The following TENM2 variants were observed in gnomAD, a reference collection of about 807,000 sequenced individuals.
TENM2 encodes teneurin transmembrane protein 2.
Under a neutral mutation model 245.2 loss-of-function variants are expected in TENM2, and 52 were observed. The ratio of observed to expected loss-of-function variants is 0.21; its 90% confidence interval spans 0.17 to 0.27. The LOEUF (loss-of-function observed/expected upper bound fraction) is 0.27, where lower values mean the gene tolerates loss of function less well. TENM2 is among the 10% of genes least tolerant of loss of function. The probability of loss-of-function intolerance (pLI) is 1.00; values close to 1 mark genes in which losing one functional copy is unlikely to be tolerated. For synonymous variants in TENM2, 1,363 were observed against 1,438.9 expected, an observed-to-expected ratio of 0.95 and a Z score of 1.19; for missense variants, 3,046 against 3,666.8, an observed-to-expected ratio of 0.83 and a Z score of 4.37.
chr5:167,142,227 A>G, the TENM2 span, among the ~76,000 whole-genome samples: 1 of 152,156 alleles, frequency 6.6e-6, no homozygotes, highest in African/African-American at 2.4e-5. Flanking sequence ...TAACCTTGCT[A>G]AAGTCTTTTT....
rs1358347315 is a variant in TENM2, at chr5:168,214,717, T to A, written c.3846-323T>A. ...TTAAGGAGACTGCACACACATGGAC[T>A]GTAGATGGTCTTGAATAACTATCCT... On this transcript the variant is annotated intron_variant, in intron 20 of 28. Transcript: ENST00000518659. 1.1e-5 allele frequency: 5 copies of A among 462,532 alleles called. No individual in the cohort carries two copies. The East Asian group carries it at 3.1e-4, about 29-fold the overall frequency. The allele number at this position is 462,532 out of a possible 1,614,324, so 28.7% of individuals were successfully genotyped here. A position where few individuals can be genotyped will look rare whatever the true frequency, so the allele number is the denominator to read the frequency against.
At chr5:167,718,397 G>A (rs1011523402) in intron 2 of TENM2, among the ~76,000 whole-genome samples, 1 of 152,084 alleles carries the variant, frequency 6.6e-6, no homozygotes, top group African/African-American at 2.4e-5. Flanking sequence ...CTTCCCTGTA[G>A]CTCAGTGTCT....
chr5:167,279,058 T>C, the TENM2 span, among the ~76,000 whole-genome samples: 1 of 152,332 alleles, frequency 6.6e-6, no homozygotes, highest in Middle Eastern at 3.4e-3. Context: ...TGTAGGATTG[T>C]AGTTTGAAGA....
intron 1 of TENM2, among the ~76,000 whole-genome samples, chr5:167,356,367 T>C (rs1050948451): frequency 3.9e-5 from 6 of 152,190 alleles, no homozygotes; most frequent in African/African-American, 1.4e-4. Context: ...TCACTTCCCA[T>C]GGAGGATGTT....
chr5:167,475,390 TTTTA>T (rs757093461), intron 2 of TENM2, among the ~76,000 whole-genome samples: 55 of 152,280 alleles, frequency 3.6e-4, no homozygotes, highest in Non-Finnish European at 6.3e-4. Flanking sequence ...CATGAAAATA[TTTTA>T]TTTATTTATT....
chr5:167,431,338 G>T (rs1019309918), intron 2 of TENM2, among the ~76,000 whole-genome samples: 3 of 152,216 alleles, frequency 2.0e-5, no homozygotes, highest in East Asian at 3.9e-4. Context: ...CCCATATTTA[G>T]GTTGATAGCA....
chr5:167,754,654 A>G (rs1244153566), intron 2 of TENM2, among the ~76,000 whole-genome samples: 1 of 152,140 alleles, frequency 6.6e-6, no homozygotes, highest in African/African-American at 2.4e-5. Flanking sequence ...GATGTCAGAA[A>G]ACAACAGAAA....
chr5:167,208,019 G>A, the TENM2 span, among the ~76,000 whole-genome samples: 5 of 152,230 alleles, frequency 3.3e-5, no homozygotes, highest in Middle Eastern at 3.2e-3. Context: ...CTCCCAAAGT[G>A]CTGGGATTAC....
At chr5:167,385,879 TGTGTGTG>T (rs1761405025) in intron 2 of TENM2, among the ~76,000 whole-genome samples, 1 of 151,426 alleles carries the variant, frequency 6.6e-6, no homozygotes, top group African/African-American at 2.4e-5. Context: ...TGTGTGTGTG[TGTGTGTG>T]TGTGTGTGTG....
At chr5:167,983,984 A>T (rs1337747862) in intron 4 of TENM2, among the ~76,000 whole-genome samples, 1 of 152,204 alleles carries the variant, frequency 6.6e-6, no homozygotes, top group African/African-American at 2.4e-5. Context: ...TAATATCTGC[A>T]TTTATTGACC....
chr5:167,590,145 T>C (rs913435266), intron 2 of TENM2, among the ~76,000 whole-genome samples: 1 of 151,986 alleles, frequency 6.6e-6, no homozygotes, highest in Non-Finnish European at 1.5e-5. Flanking sequence ...ATTTTTAGGA[T>C]ATAAGAAACT....
intron 3 of TENM2, among the ~76,000 whole-genome samples, chr5:167,889,651 A>G (rs1370978071): frequency 6.6e-6 from 1 of 151,976 alleles, no homozygotes; most frequent in Non-Finnish European, 1.5e-5. Flanking sequence ...CTGTGGGAGC[A>G]GTGATCTTTA....
the TENM2 span, among the ~76,000 whole-genome samples, chr5:167,240,258 CTTT>C: frequency 1.4e-5 from 2 of 141,648 alleles, no homozygotes; most frequent in Non-Finnish European, 1.6e-5. Context: ...GGTAGGTGGC[CTTT>C]TTTTTTTTTG....
chr5:167,006,919 G>A, the TENM2 span, among the ~76,000 whole-genome samples: 2 of 152,070 alleles, frequency 1.3e-5, no homozygotes, highest in African/African-American at 2.4e-5. Context: ...CACCCACCTC[G>A]GCCTCCGAAA....
rs140162622 is a variant in TENM2, at chr5:168,049,697, T to C, written c.1309+2148T>C. ...TTTGGAAAGACCAGAATTTTTCCCC[T>C]CCTGTGCAACATGCTTTTGAAAATG... On this transcript the variant is annotated intron_variant, in intron 6 of 28. Coordinates refer to ENST00000518659, the Ensembl canonical transcript of TENM2. 3.1e-3 allele frequency among the ~76,000 whole-genome samples: 467 copies of C among 152,336 alleles called. 1 individual carries two copies. Among genetic ancestry groups the C allele is most frequent in the African/African-American group, 0.011 (443 of 41,590 alleles).
At chr5:167,960,385 TA>T (rs1371812432) in intron 4 of TENM2, among the ~76,000 whole-genome samples, 1 of 152,190 alleles carries the variant, frequency 6.6e-6, no homozygotes. Flanking sequence ...CTTTCAAAGG[TA>T]CCCTGCCCAG....
intron 12 of TENM2, among the ~76,000 whole-genome samples, chr5:168,140,172 G>A (rs1755412258): frequency 6.6e-6 from 1 of 152,194 alleles, no homozygotes. Flanking sequence ...GTGATACTTT[G>A]CACTTGCATG....
chr5:167,430,525 G>T (rs1225467228), intron 2 of TENM2, among the ~76,000 whole-genome samples: 6 of 152,108 alleles, frequency 3.9e-5, no homozygotes, highest in Non-Finnish European at 5.9e-5. Context: ...TTCCGGAGAT[G>T]GCGGGGGGTC....
intron 2 of TENM2, among the ~76,000 whole-genome samples, chr5:167,670,917 G>A (rs1362502094): frequency 6.6e-6 from 1 of 152,032 alleles, no homozygotes; most frequent in Admixed American, 6.6e-5. Flanking sequence ...AGCTCTGTAG[G>A]AGAGACTGGG....
Sources: allele counts gnomAD v4.1 joint callset (sites outside exome capture counted in the v4.1 genomes callset), GRCh38; gene constraint gnomAD v4.1.1; transcripts MANE v1.5; gene names NCBI Gene and HGNC (gene_info 2026-07-23, HGNC 2026-07-21).